Variants in COA1 observed in about 807,000 individuals in gnomAD.
COA1 encodes cytochrome c oxidase assembly factor 1, also known as cytochrome c oxidase assembly factor 1 homolog.
Under a neutral mutation model 16.0 loss-of-function variants are expected in COA1, and 13 were observed. The ratio of observed to expected loss-of-function variants is 0.81; its 90% CI spans 0.53 to 1.29. COA1 has a LOEUF of 1.29. Ranked by LOEUF, COA1 falls within the 50% of genes most tolerant of loss-of-function variation. The pLI is 0.00. For synonymous variants in COA1, 65 were observed against 65.7 expected (o/e 0.99, Z 0.05); for missense variants, 179 against 177.0 (o/e 1.01, Z -0.06).
chr7:43,685,732 T>C (rs1376610318), intron 1 of COA1, among the ~76,000 whole-genome samples: 1 of 152,152 alleles, frequency 6.6e-6, no homozygotes, highest in East Asian at 1.9e-4. Context: ...AGGTACAAAC[T>C]GTCTCACCAA....
intron 1 of COA1, among the ~76,000 whole-genome samples, chr7:43,664,492 G>A (rs1395533205): frequency 6.6e-6 from 1 of 152,086 alleles, no homozygotes; most frequent in Admixed American, 6.6e-5. Context: ...TATAAATAAC[G>A]TTTTATTTCC....
intron 3 of COA1, 132 bp from the exon 4 acceptor site, chr7:43,645,531 T>C: frequency 2.6e-6 from 2 of 777,280 alleles, no homozygotes; most frequent in Admixed American, 2.5e-5. Flanking sequence ...GGACGAATAA[T>C]TAAGGCCATC....
chr7:43,639,937 G>GT (rs2086636443), intron 5 of COA1, among the ~76,000 whole-genome samples: 1 of 152,216 alleles, frequency 6.6e-6, no homozygotes, highest in Non-Finnish European at 1.5e-5. Context: ...AGAAGGAGCA[G>GT]TTTATTTCTC....
intron 1 of COA1, among the ~76,000 whole-genome samples, chr7:43,723,104 G>C (rs549229211): frequency 6.6e-6 from 1 of 152,206 alleles, no homozygotes; most frequent in African/African-American, 2.4e-5. Flanking sequence ...CAATGGGAGG[G>C]AGAGGTTGGT....
intron 4 of COA1, among the ~76,000 whole-genome samples, chr7:43,644,274 G>T (rs183980570): frequency 6.6e-6 from 1 of 152,186 alleles, no homozygotes; most frequent in African/African-American, 2.4e-5. Context: ...ACCCCCAAAA[G>T]CCTTCTGCAC....
At chr7:43,646,914 G>GA (rs2089486379) in intron 3 of COA1, 1 of 195,114 alleles carries the variant, frequency 5.1e-6, no homozygotes, top group African/African-American at 2.3e-5. Context: ...AGCCAGTCTA[G>GA]AAAAAACTGC....
downstream of COA1, among the ~76,000 whole-genome samples, chr7:43,634,960 C>A (rs531488713): frequency 1.1e-4 from 17 of 152,140 alleles, no homozygotes; most frequent in Non-Finnish European, 2.5e-4. Flanking sequence ...ATTTGGTCTT[C>A]TCATCTTTCA....
At chr7:43,702,463 T>G (rs1001895661) in intron 1 of COA1, among the ~76,000 whole-genome samples, 12 of 152,214 alleles carry the variant, frequency 7.9e-5, no homozygotes, top group African/African-American at 2.9e-4. Context: ...TGTGTCTGTC[T>G]TTCTACTGGT....
chr7:43,640,027 G>A (rs2153063409), intron 5 of COA1, among the ~76,000 whole-genome samples: 1 of 152,340 alleles, frequency 6.6e-6, no homozygotes, highest in South Asian at 2.1e-4. Flanking sequence ...TCAGAGGTCA[G>A]TGAGCCCAGG....
At chr7:43,663,613 G>A (rs1279377312) in intron 1 of COA1, among the ~76,000 whole-genome samples, 6 of 123,872 alleles carry the variant, frequency 4.8e-5, no homozygotes, top group African/African-American at 1.9e-4. Context: ...AGACTACAGT[G>A]AACCATGATC....
intron 6 of COA1, among the ~76,000 whole-genome samples, chr7:43,629,198 T>C (rs1475352755): frequency 1.3e-5 from 2 of 152,198 alleles, no homozygotes; most frequent in African/African-American, 4.8e-5. Flanking sequence ...TCCATTCTGT[T>C]TATCTTTTTG....
At chr7:43,685,627 T>C (rs1310021803) in intron 1 of COA1, among the ~76,000 whole-genome samples, 1 of 152,066 alleles carries the variant, frequency 6.6e-6, no homozygotes, top group African/African-American at 2.4e-5. Context: ...AAGACTAGAG[T>C]AGAATTGAGA....
intron 1 of COA1, among the ~76,000 whole-genome samples, chr7:43,688,541 G>T (rs1214205009): frequency 6.6e-6 from 1 of 152,040 alleles, no homozygotes; most frequent in East Asian, 1.9e-4. Flanking sequence ...TCATTAGTCA[G>T]GATCAGGTTC....
chr7:43,643,526 C>G (rs116412188), intron 4 of COA1, among the ~76,000 whole-genome samples: 1,682 of 152,316 alleles, frequency 0.011, 28 homozygotes, highest in African/African-American at 0.037. Context: ...TGTGCTCCTC[C>G]TCCAGGATGT....
chr7:43,683,425 G>A (rs2093864436), intron 1 of COA1, among the ~76,000 whole-genome samples: 1 of 152,022 alleles, frequency 6.6e-6, no homozygotes, highest in Non-Finnish European at 1.5e-5. Flanking sequence ...GAGGTCAGGA[G>A]ATCAAGACCA....
At chr7:43,674,226 G>A (rs535538322) in intron 1 of COA1, among the ~76,000 whole-genome samples, 83 of 152,116 alleles carry the variant, frequency 5.5e-4, no homozygotes, top group Non-Finnish European at 1.1e-3. Flanking sequence ...CCACCCAATA[G>A]CTCCAACACT....
chr7:43,707,101 G>GA (rs1563437487), intron 1 of COA1, among the ~76,000 whole-genome samples: 1 of 152,118 alleles, frequency 6.6e-6, no homozygotes, highest in South Asian at 2.1e-4. Flanking sequence ...TTGAACCCAG[G>GA]AGGCTGAGGT....
At chr7:43,691,054 C>CAAAAAAAA (rs1173049196) in intron 1 of COA1, among the ~76,000 whole-genome samples, 6 of 40,004 alleles carry the variant, frequency 1.5e-4, no homozygotes, top group African/African-American at 2.0e-4. Flanking sequence ...CTCATCACTA[C>CAAAAAAAA]AAAAAAAAAA....
intron 1 of COA1, among the ~76,000 whole-genome samples, chr7:43,699,757 T>C (rs1000614166): frequency 6.6e-6 from 1 of 152,198 alleles, no homozygotes; most frequent in African/African-American, 2.4e-5. Context: ...AGAGCTATCT[T>C]AGAAGTTATG....
Sources: gnomAD v4.1 joint callset for allele counts (sites outside exome capture counted in the v4.1 genomes callset) on GRCh38, gnomAD v4.1.1 for gene constraint, MANE v1.5 for transcripts, NCBI Gene and HGNC (gene_info 2026-07-23, HGNC 2026-07-21) for gene names.